Variants in RARB observed in about 807,000 individuals in gnomAD.
The protein encoded by RARB is retinoic acid receptor beta.
In RARB, 17 loss-of-function variants were observed where a neutral mutation model predicts 51.9. The observed-to-expected ratio is 0.33, with a 90% CI of 0.22 to 0.49. The LOEUF is 0.49. RARB is among the 20% of genes least tolerant of loss of function. The pLI, the probability that RARB is intolerant of heterozygous loss-of-function variation, is 0.99. For missense variants in RARB, 369 were observed against 550.8 expected, an observed-to-expected ratio of 0.67 and a Z score of 3.30; for synonymous variants, 215 against 195.4, an observed-to-expected ratio of 1.10 and a Z score of -0.84.
intron 2 of RARB, among the ~76,000 whole-genome samples, chr3:24,897,919 G>T (rs1200515094): frequency 6.6e-6 from 1 of 152,258 alleles, no homozygotes; most frequent in East Asian, 1.9e-4. Context: ...ATTCACTATG[G>T]AACCTTTTTA....
At chr3:25,038,081 G>T (rs779031347) in intron 2 of RARB, among the ~76,000 whole-genome samples, 1 of 152,242 alleles carries the variant, frequency 6.6e-6, no homozygotes, top group Middle Eastern at 3.4e-3. Context: ...GCTATTAACT[G>T]TCATGCCCAC....
chr3:25,289,019 A>T (rs1703720947), intron 5 of RARB, among the ~76,000 whole-genome samples: 1 of 152,346 alleles, frequency 6.6e-6, no homozygotes, highest in Middle Eastern at 3.4e-3. Context: ...ACTCATTCAT[A>T]CTGTTCCGCC....
rs556997583 is a variant in RARB, at chr3:25,384,973, C to T, written c.179-76220C>T. Among the ~76,000 whole-genome samples the T allele has an allele frequency of 3.3e-5, 5 of 152,252 alleles. No individual in the cohort carries two copies. In the South Asian group the frequency reaches 8.3e-4, roughly 25 times the overall value. On this transcript the variant is annotated intron_variant, in intron 5 of 11. Coordinates refer to the RARB transcript ENST00000383772. ...ATTATTCCACTCTGGATGGCACCTACAGTCTGTTTTGTCATAAATGCATCA... is the reference window on the plus strand; with the variant it reads ...ATTATTCCACTCTGGATGGCACCTATAGTCTGTTTTGTCATAAATGCATCA...
intron 3 of RARB, among the ~76,000 whole-genome samples, chr3:25,549,618 G>C (rs1206790854): frequency 6.6e-6 from 1 of 152,086 alleles, no homozygotes; most frequent in Non-Finnish European, 1.5e-5. Flanking sequence ...TGAAACATTA[G>C]TGCTTTTTAT....
chr3:25,513,218 C>T (rs1575476521), intron 3 of RARB, among the ~76,000 whole-genome samples: 3 of 151,468 alleles, frequency 2.0e-5, no homozygotes, highest in East Asian at 1.9e-4. Context: ...ACCTGGGAGG[C>T]GGAGGTTGCA....
At chr3:25,152,140 A>G (rs1700297268) in intron 4 of RARB, among the ~76,000 whole-genome samples, 1 of 152,238 alleles carries the variant, frequency 6.6e-6, no homozygotes, top group Non-Finnish European at 1.5e-5. Flanking sequence ...TCTATAAGCC[A>G]GAACACCAGA....
At chr3:25,358,609 T>C (rs1486780258) in intron 5 of RARB, among the ~76,000 whole-genome samples, 2 of 152,222 alleles carry the variant, frequency 1.3e-5, no homozygotes, top group Non-Finnish European at 2.9e-5. Context: ...TGATATTGGC[T>C]GTGCGTTCTC....
chr3:25,398,934 C>T (rs1232523390), intron 5 of RARB, among the ~76,000 whole-genome samples: 1 of 152,142 alleles, frequency 6.6e-6, no homozygotes, highest in Non-Finnish European at 1.5e-5. Context: ...AAGGAAAGGT[C>T]ATTTTACTGC....
chr3:25,165,450 C>T (rs1406790990), intron 4 of RARB, among the ~76,000 whole-genome samples: 1 of 152,146 alleles, frequency 6.6e-6, no homozygotes, highest in Non-Finnish European at 1.5e-5. Context: ...TGTGGAGACT[C>T]CCACTGGGCA....
At chr3:25,248,846 T>C (rs1426846813) in intron 5 of RARB, among the ~76,000 whole-genome samples, 2 of 152,200 alleles carry the variant, frequency 1.3e-5, no homozygotes, top group African/African-American at 2.4e-5. Flanking sequence ...TTAGATTCTT[T>C]ATCTTGCTGT....
At position 25,343,267 on chromosome 3, in the gene RARB, A is replaced by G. The variant is rs561837974; in HGVS notation, c.179-117926A>G. On this transcript the variant is annotated intron_variant, in intron 5 of 11. Coordinates refer to the RARB transcript ENST00000383772. ...TATGAGAATCTTGGAGGTAAGAACC[A>G]TGTCTTGTTGCTCTCAGTTTCTCTG... 7.2e-5 allele frequency among the ~76,000 whole-genome samples: 11 copies of G among 152,208 alleles called. No individual in the cohort carries two copies. In the South Asian group the frequency reaches 1.5e-3, roughly 20 times the overall value.
At chr3:24,891,794 G>C (rs1703382710) in intron 2 of RARB, among the ~76,000 whole-genome samples, 1 of 152,110 alleles carries the variant, frequency 6.6e-6, no homozygotes, top group African/African-American at 2.4e-5. Context: ...AGTTGAGAAA[G>C]AGTTGCAGTA....
chr3:25,108,324 G>C (rs564699698), intron 3 of RARB, among the ~76,000 whole-genome samples: 8 of 152,276 alleles, frequency 5.3e-5, no homozygotes, highest in African/African-American at 1.9e-4. Context: ...CATAATAGAA[G>C]TTTATGTCTC....
intron 2 of RARB, among the ~76,000 whole-genome samples, chr3:24,944,133 C>T (rs1695725885): frequency 6.6e-6 from 1 of 152,138 alleles, no homozygotes; most frequent in African/African-American, 2.4e-5. Flanking sequence ...TATTATGAAG[C>T]CCTAGACAGG....
At chr3:25,021,708 A>G (rs528274992) in intron 2 of RARB, among the ~76,000 whole-genome samples, 1 of 150,432 alleles carries the variant, frequency 6.6e-6, no homozygotes, top group Admixed American at 6.7e-5. Flanking sequence ...ATTTGTTCAA[A>G]TTTTTTTTTT....
chr3:25,177,018 A>T (rs1700768265), intron 5 of RARB, among the ~76,000 whole-genome samples: 1 of 152,184 alleles, frequency 6.6e-6, no homozygotes, highest in South Asian at 2.1e-4. Context: ...TGCACCTTAA[A>T]AGGTGTTTGG....
At chr3:25,378,889 C>G (rs116253260) in intron 5 of RARB, among the ~76,000 whole-genome samples, 1 of 152,112 alleles carries the variant, frequency 6.6e-6, no homozygotes, top group Non-Finnish European at 1.5e-5. Flanking sequence ...AGGAAAAAAA[C>G]CTGCACATAA....
chr3:25,456,723 ATACT>A (rs1283675739), intron 1 of RARB, among the ~76,000 whole-genome samples: 2 of 147,498 alleles, frequency 1.4e-5, no homozygotes, highest in Non-Finnish European at 3.0e-5. Flanking sequence ...AGAGAGTCAA[ATACT>A]TAATTTTTTA....
chr3:25,075,174 C>T (rs991952360), intron 3 of RARB, among the ~76,000 whole-genome samples: 3 of 152,062 alleles, frequency 2.0e-5, no homozygotes, highest in African/African-American at 4.8e-5. Flanking sequence ...GCTAGTGCCC[C>T]GACACTTGAC....
Sources: gnomAD v4.1 joint callset for allele counts (sites outside exome capture counted in the v4.1 genomes callset) on GRCh38, gnomAD v4.1.1 for gene constraint, MANE v1.5 for transcripts, NCBI Gene and HGNC (gene_info 2026-07-23, HGNC 2026-07-21) for gene names.